GPATCH2: variants seen among roughly 807,000 people sequenced by gnomAD.
GPATCH2 encodes G patch domain-containing protein 2.
In GPATCH2, 51 loss-of-function variants were observed where a neutral mutation model predicts 58.0. The observed-to-expected ratio is 0.88, with a 90% CI of 0.70 to 1.11. The LOEUF is 1.11. Ranked by LOEUF, GPATCH2 falls within the 50% of genes most tolerant of loss-of-function variation. The pLI is 0.00. For synonymous variants in GPATCH2, 222 were observed against 218.5 expected (o/e 1.02, Z -0.14); for missense variants, 625 against 652.2 (o/e 0.96, Z 0.45).
chr1:217,623,058 T>C (rs1447670322), intron 1 of GPATCH2, among the ~76,000 whole-genome samples: 1 of 152,188 alleles, frequency 6.6e-6, no homozygotes, highest in African/African-American at 2.4e-5. Context: ...AAAAGAAATA[T>C]AGTCTGAAAG....
intron 8 of GPATCH2, among the ~76,000 whole-genome samples, chr1:217,487,528 C>T (rs965853376): frequency 1.3e-5 from 2 of 150,328 alleles, no homozygotes; most frequent in African/African-American, 2.4e-5. Context: ...CGGGTTCAGG[C>T]GATTCTCCTG....
intron 5 of GPATCH2, among the ~76,000 whole-genome samples, chr1:217,585,362 C>T (rs1667289574): frequency 1.3e-5 from 2 of 152,120 alleles, no homozygotes; most frequent in Admixed American, 1.3e-4. Flanking sequence ...GTGGCTCACG[C>T]CTATAATCCC....
chr1:217,522,506 T>A (rs538354697), intron 5 of GPATCH2, among the ~76,000 whole-genome samples: 1 of 152,218 alleles, frequency 6.6e-6, no homozygotes, highest in South Asian at 2.1e-4. Context: ...GCTTCTTAAA[T>A]CCCTCATTTA....
At position 217,594,916 on chromosome 1, in the gene GPATCH2, C is replaced by T. The variant is rs74787059; in HGVS notation, c.1098+15405G>A. ...TTGGGAGAAATAGGATGAAAGAAAACGCATCCAGTCAGCTAGACAGCTGGC... is the reference window on the plus strand; with the variant it reads ...TTGGGAGAAATAGGATGAAAGAAAATGCATCCAGTCAGCTAGACAGCTGGC... On this transcript the variant is annotated intron_variant, in intron 5 of 9. Transcript: ENST00000366935. 3.0e-3 allele frequency among the ~76,000 whole-genome samples: 453 copies of T among 152,144 alleles called. 2 individuals carry two copies. The highest frequency in any genetic ancestry group is 0.014 in the Middle Eastern group (4 of 294).
At chr1:217,454,366 G>A (rs1053077784) in intron 8 of GPATCH2, among the ~76,000 whole-genome samples, 3 of 152,070 alleles carry the variant, frequency 2.0e-5, no homozygotes, top group African/African-American at 7.2e-5. Context: ...GAGGTGGGCG[G>A]ATCACGAGGT....
chr1:217,518,417 T>C (rs539572709), intron 5 of GPATCH2, among the ~76,000 whole-genome samples: 6 of 152,312 alleles, frequency 3.9e-5, no homozygotes, highest in Admixed American at 1.3e-4. Flanking sequence ...TTAAAAGCAT[T>C]TTCTTATTCT....
chr1:217,595,469 T>C (rs2102777632), intron 5 of GPATCH2, among the ~76,000 whole-genome samples: 1 of 152,166 alleles, frequency 6.6e-6, no homozygotes, highest in South Asian at 2.1e-4. Context: ...GCAACAGAAC[T>C]GGAGTTCAGA....
chr1:217,452,534 A>G (rs1659716332), intron 8 of GPATCH2, among the ~76,000 whole-genome samples: 1 of 152,184 alleles, frequency 6.6e-6, no homozygotes, highest in African/African-American at 2.4e-5. Flanking sequence ...GAGTATTCTA[A>G]TTGCTTAAAA....
At chr1:217,543,646 G>C (rs1185126025) in intron 5 of GPATCH2, among the ~76,000 whole-genome samples, 1 of 152,158 alleles carries the variant, frequency 6.6e-6, no homozygotes, top group Non-Finnish European at 1.5e-5. Flanking sequence ...TATAGGGATA[G>C]TGTGAGAATA....
intron 5 of GPATCH2, among the ~76,000 whole-genome samples, chr1:217,518,168 AT>A (rs1457582488): frequency 1.3e-5 from 2 of 152,192 alleles, no homozygotes; most frequent in Non-Finnish European, 2.9e-5. Flanking sequence ...TGCTTTCTAG[AT>A]AACATAACTT....
At chr1:217,451,341 C>A (rs1242133237) in intron 8 of GPATCH2, among the ~76,000 whole-genome samples, 2 of 152,078 alleles carry the variant, frequency 1.3e-5, no homozygotes, top group African/African-American at 2.4e-5. Context: ...TGTAGCTAAC[C>A]GAAAGCAATG....
At chr1:217,629,812 T>A (rs1045502852) in intron 1 of GPATCH2, among the ~76,000 whole-genome samples, 2 of 152,202 alleles carry the variant, frequency 1.3e-5, no homozygotes, top group Non-Finnish European at 2.9e-5. Context: ...ACAAATAGTA[T>A]AATCAAATCT....
At chr1:217,457,560 C>A (rs999367010) in intron 8 of GPATCH2, among the ~76,000 whole-genome samples, 1 of 152,152 alleles carries the variant, frequency 6.6e-6, no homozygotes, top group Non-Finnish European at 1.5e-5. Context: ...ATGGAAGGCA[C>A]TTTCCATACA....
chr1:217,514,213 G>A (rs1175101408), intron 6 of GPATCH2, among the ~76,000 whole-genome samples: 1 of 151,598 alleles, frequency 6.6e-6, no homozygotes, highest in Non-Finnish European at 1.5e-5. Flanking sequence ...AGGCTGGAGT[G>A]CAGTGGCATG....
rs193192141 is a variant in GPATCH2 at position 217,582,666 on chromosome 1, T to A, written c.1098+27655A>T. Among the ~76,000 whole-genome samples, 142 of 152,296 alleles carry A rather than the reference T, an allele frequency of 9.3e-4. 1 individual carries two copies. The highest frequency in any genetic ancestry group is 3.2e-3 in the African/African-American group (134 of 41,574). On this transcript the variant is annotated intron_variant, in intron 5 of 9. Transcript: ENST00000366935. Reference sequence around the variant, plus strand: ...CTTTAAAATAAAAGTATTGTGGTGCTAAATATAATGGATTAAATTATGTCT... The same window carrying A: ...CTTTAAAATAAAAGTATTGTGGTGCAAAATATAATGGATTAAATTATGTCT...
intron 5 of GPATCH2, among the ~76,000 whole-genome samples, chr1:217,525,181 C>T (rs1663827505): frequency 6.6e-6 from 1 of 151,490 alleles, no homozygotes; most frequent in Non-Finnish European, 1.5e-5. Flanking sequence ...AACAATATTC[C>T]AGTATATTTC....
chr1:217,432,878 T>C (rs953977556), intron 9 of GPATCH2, among the ~76,000 whole-genome samples: 1 of 152,178 alleles, frequency 6.6e-6, no homozygotes, highest in African/African-American at 2.4e-5. Context: ...ATTCCCTCCA[T>C]AGGCCTCCTA....
rs765996481 is a variant in GPATCH2, at chr1:217,592,662, A to T, written c.1098+17659T>A. 8.5e-5 allele frequency among the ~76,000 whole-genome samples: 13 copies of T among 152,090 alleles called. No homozygotes were observed. The Middle Eastern group carries it at 0.01, about 119-fold the overall frequency. On this transcript the variant is annotated intron_variant, in intron 5 of 9. Transcript: ENST00000366935. ...GTTCATGGAAAACCAAACTGATTTCAATCACTTAGGGTACATTATAAAAAC... is the reference window on the plus strand; with the variant it reads ...GTTCATGGAAAACCAAACTGATTTCTATCACTTAGGGTACATTATAAAAAC...
At chr1:217,484,017 A>G (rs1286319587) in intron 8 of GPATCH2, among the ~76,000 whole-genome samples, 1 of 152,114 alleles carries the variant, frequency 6.6e-6, no homozygotes, top group Non-Finnish European at 1.5e-5. Flanking sequence ...TGTGTTCTGA[A>G]GTTTTATCAA....
Sources: gnomAD v4.1 joint callset for allele counts (sites outside exome capture counted in the v4.1 genomes callset) on GRCh38, gnomAD v4.1.1 for gene constraint, MANE v1.5 for transcripts, NCBI Gene and HGNC (gene_info 2026-07-23, HGNC 2026-07-21) for gene names.